The following JAKMIP3 variants were observed in gnomAD, a reference collection of about 807,000 sequenced individuals.
The protein encoded by JAKMIP3 is janus kinase and microtubule-interacting protein 3.
JAKMIP3 carries 58 observed loss-of-function variants against 118.5 expected under a neutral mutation model. The observed-to-expected ratio is 0.49, with a 90% CI of 0.40 to 0.61. The LOEUF (loss-of-function observed/expected upper bound fraction) is 0.61, where lower values mean the gene tolerates loss of function less well. Ranked by LOEUF, JAKMIP3 falls within the 20% of genes least tolerant of loss-of-function variation. The pLI is 0.00. For missense variants in JAKMIP3, 950 were observed against 1,109.0 expected, an observed-to-expected ratio of 0.86 and a Z score of 2.04; for synonymous variants, 486 against 451.2, an observed-to-expected ratio of 1.08 and a Z score of -0.98.
At chr10:132,064,579 G>A (rs1345013743), upstream of JAKMIP3, among the ~76,000 whole-genome samples, 1 of 152,174 alleles carries the variant, frequency 6.6e-6, no homozygotes, top group Non-Finnish European at 1.5e-5. The surrounding 1 kb of genome is among the most constrained non-coding windows in gnomAD (Gnocchi z 4.4). Flanking sequence ...GCCTCTTGGC[G>A]CTCCAGCCTC....
At chr10:132,072,992 A>G (rs543609538) in intron 1 of JAKMIP3, among the ~76,000 whole-genome samples, 25 of 152,292 alleles carry the variant, frequency 1.6e-4, no homozygotes, top group African/African-American at 5.3e-4. Flanking sequence ...ACTTGTGAGA[A>G]CGTGTATTTA....
intron 19 of JAKMIP3, among the ~76,000 whole-genome samples, chr10:132,159,240 G>C: frequency 7.4e-6 from 1 of 134,294 alleles, no homozygotes; most frequent in Admixed American, 7.3e-5. Context: ...GTGTGATGCT[G>C]GGGGGGCCTC....
chr10:132,071,896 T>TCTTTCCTTCCTTTCTTTCTTTC (rs1564866361), intron 1 of JAKMIP3, among the ~76,000 whole-genome samples: 1 of 68,822 alleles, frequency 1.5e-5, no homozygotes, highest in Non-Finnish European at 2.7e-5. Context: ...TTCTTTCCTT[T>TCTTTCCTTCCTTTCTTTCTTTC]CTTTCTTCCC....
chr10:132,184,248 TAA>T lies in JAKMIP3; in HGVS notation c.*2997_*2998del, dbSNP rs1441958208. The T allele has an allele frequency of 5.9e-5, 9 of 152,356 alleles. No individual in the cohort carries two copies. In the East Asian group the frequency reaches 1.7e-3, roughly 29 times the overall value. 9.4% of individuals were successfully genotyped at this position (152,356 alleles called of 1,614,324 possible). A position where few individuals can be genotyped will look rare whatever the true frequency, so the allele number is the denominator to read the frequency against. On this transcript the variant is annotated 3_prime_UTR_variant, in exon 24 of 24. Coordinates refer to ENST00000684848, the MANE Select transcript of JAKMIP3 (RefSeq NM_001323087.2). The stretch of plus-strand genomic sequence containing the variant: ...CTGGAGAAGGACTATGGCTGTTCCT[TAA>T]AGTCTCTGCCCTTGCAGAATCTGTA...
At chr10:132,040,518 T>C (rs923453668) in intron 1 of JAKMIP3, among the ~76,000 whole-genome samples, 3 of 152,234 alleles carry the variant, frequency 2.0e-5, no homozygotes, top group Non-Finnish European at 4.4e-5. Flanking sequence ...ATATCCTGCT[T>C]TTTAAAAATG....
At chr10:132,180,174 C>A (rs201839646) in intron 23 of JAKMIP3, among the ~76,000 whole-genome samples, 4 of 152,154 alleles carry the variant, frequency 2.6e-5, no homozygotes, top group Non-Finnish European at 5.9e-5. Flanking sequence ...AGTTCCCAGA[C>A]GCCAGCCAAT....
At chr10:132,181,436 A>C (rs1161138405) in intron 23 of JAKMIP3, 1 of 152,134 alleles carries the variant, frequency 6.6e-6, no homozygotes, top group Non-Finnish European at 1.5e-5. Context: ...ACCGAGGGAA[A>C]TCCCTGTTTT....
At position 132,180,676 on chromosome 10, in the gene JAKMIP3, CGCGCGCGTGTGT is replaced by C. The variant is rs1297632764; in HGVS notation, c.*1104-1679_*1104-1668del. ...GCGTGTGCGTGTGTGCGTGTGTGTG[CGCGCGCGTGTGT>C]GTGCGTGCGTGTGTGTGTGCGCGTG... On this transcript the variant is annotated intron_variant, in intron 23 of 23. Coordinates refer to ENST00000684848, the MANE Select transcript of JAKMIP3 (RefSeq NM_001323087.2). Among the ~76,000 whole-genome samples the C allele has an allele frequency of 2.6e-3, 12 of 4,570 alleles. 5 individuals are homozygous for C. Among genetic ancestry groups the C allele is most frequent in the Non-Finnish European group, 4.5e-3 (10 of 2,232 alleles). The allele number at this position is 4,570 out of a possible 152,430, so 3.0% of individuals were successfully genotyped here.
At chr10:132,071,572 T>C in intron 1 of JAKMIP3, among the ~76,000 whole-genome samples, 1 of 152,198 alleles carries the variant, frequency 6.6e-6, no homozygotes, top group East Asian at 1.9e-4. Context: ...TCCAATATGA[T>C]TGTGAATATC....
chr10:132,104,637 G>T (rs759322761), intron 1 of JAKMIP3, 35 bp from the exon 2 acceptor site: 17 of 672,180 alleles, frequency 2.5e-5, no homozygotes, highest in African/African-American at 3.6e-5. Context: ...CGGCTCCGGA[G>T]GGAGCTGCTC....
chr10:132,102,955 G>A (rs2045228893), intron 1 of JAKMIP3, among the ~76,000 whole-genome samples: 1 of 151,700 alleles, frequency 6.6e-6, no homozygotes, highest in African/African-American at 2.4e-5. Flanking sequence ...GAGGAGACGC[G>A]GGCATGGGGT....
At chr10:132,062,359 G>A (rs749113951), upstream of JAKMIP3, among the ~76,000 whole-genome samples, 1 of 152,146 alleles carries the variant, frequency 6.6e-6, no homozygotes, top group African/African-American at 2.4e-5. Context: ...CCATTCAAGC[G>A]CCTGCTCTGA....
chr10:132,116,850 A>G (rs1287321835), intron 2 of JAKMIP3, among the ~76,000 whole-genome samples: 1 of 145,730 alleles, frequency 6.9e-6, no homozygotes, highest in Non-Finnish European at 1.5e-5. Flanking sequence ...GAGTGTGTGC[A>G]TCATGGACGC....
At chr10:132,149,338 C>T (rs972027488) in intron 14 of JAKMIP3, 74 bp from the exon 15 acceptor site, 9 of 1,000,614 alleles carry the variant, frequency 9.0e-6, no homozygotes, top group African/African-American at 1.6e-5. Flanking sequence ...CCGTGTTCCT[C>T]AGGCCCCAGC....
At chr10:132,175,916 A>G (rs1207265295) in intron 23 of JAKMIP3, among the ~76,000 whole-genome samples, 1 of 152,272 alleles carries the variant, frequency 6.6e-6, no homozygotes, top group Non-Finnish European at 1.5e-5. Context: ...AAAGAGAAAT[A>G]AAAGATGAGG....
intron 10 of JAKMIP3, 104 bp from the exon 11 acceptor site, chr10:132,141,816 T>G: frequency 3.0e-4 from 369 of 1,232,474 alleles, no homozygotes; most frequent in East Asian, 9.5e-4. Context: ...CCATACACCA[T>G]TTGATATCTG....
chr10:132,069,853 C>T (rs1186670988), intron 1 of JAKMIP3, among the ~76,000 whole-genome samples: 2 of 152,204 alleles, frequency 1.3e-5, no homozygotes, highest in East Asian at 1.9e-4. Context: ...ATCCATTCCA[C>T]CAATGTTCAC....
At chr10:132,177,800 GCACAC>G (rs1446478765) in intron 23 of JAKMIP3, among the ~76,000 whole-genome samples, 2 of 148,210 alleles carry the variant, frequency 1.3e-5, no homozygotes. Context: ...GCGTGTGTGT[GCACAC>G]TGTGCATTTG....
In JAKMIP3 at chr10:132,049,438, C is replaced by T. The variant is rs2133802564; in HGVS notation, c.-138+12700C>T. Among the ~76,000 whole-genome samples, 1 of 151,890 alleles carries T rather than the reference C, an allele frequency of 6.6e-6. No individual in the cohort carries two copies. The highest frequency in any genetic ancestry group is 3.4e-3 in the Middle Eastern group (1 of 292). ...CTTCAACTGCCTCTTATTAAATTGT[C>T]GTTTGTGTTATTCTCCCTTGGGCAT... On this transcript the variant is annotated intron_variant, in intron 1 of 23. Coordinates refer to the JAKMIP3 transcript ENST00000657785. The surrounding 1 kb of genome is among the most constrained non-coding windows in gnomAD (Gnocchi z 4.3).
Sources: allele counts gnomAD v4.1 joint callset (sites outside exome capture counted in the v4.1 genomes callset), GRCh38; gene constraint gnomAD v4.1.1; non-coding constraint Gnocchi (gnomAD v3.1); transcripts MANE v1.5; gene names NCBI Gene and HGNC (gene_info 2026-07-23, HGNC 2026-07-21).